The following FAAH2 variants were observed in gnomAD, a reference collection of about 807,000 sequenced individuals.
The protein encoded by FAAH2 is fatty acid amide hydrolase 2, also known as fatty-acid amide hydrolase 2.
Under a neutral mutation model 36.9 loss-of-function variants are expected in FAAH2, and 60 were observed. The observed-to-expected ratio is 1.63, with a 90% CI of 1.32 to 2.02. FAAH2 has a LOEUF of 2.02. FAAH2 is among the 30% of genes most tolerant of loss of function. FAAH2 has a pLI of 0.00. For synonymous variants in FAAH2, 214 were observed against 143.8 expected (o/e 1.49, Z -3.49); for missense variants, 689 against 397.5 (o/e 1.73, Z -6.23).
chrX:57,175,518 A>T, the FAAH2 span, among the ~76,000 whole-genome samples: 1 of 111,801 alleles, frequency 8.9e-6, no homozygotes, highest in Admixed American at 9.5e-5. Flanking sequence ...CTTCTTATCT[A>T]TTTTGCCAAC....
the FAAH2 span, among the ~76,000 whole-genome samples, chrX:57,185,242 T>C: frequency 2.7e-5 from 3 of 110,761 alleles, no homozygotes; most frequent in African/African-American, 9.8e-5. Flanking sequence ...GCCCCAGCAC[T>C]ACCCTTCCCA....
the FAAH2 span, among the ~76,000 whole-genome samples, chrX:57,243,354 T>C: frequency 1.8e-5 from 2 of 112,210 alleles, no homozygotes; most frequent in South Asian, 7.3e-4. Context: ...GCCTGCCAGC[T>C]CTGAAGAGAG....
the FAAH2 span, among the ~76,000 whole-genome samples, chrX:57,147,262 G>T: frequency 9.0e-6 from 1 of 111,485 alleles, no homozygotes; most frequent in East Asian, 2.8e-4. Flanking sequence ...TCTGTTCAGG[G>T]TTTCTAATTC....
At chrX:57,354,265 C>T (rs758828178) in intron 5 of FAAH2, among the ~76,000 whole-genome samples, 1 of 111,042 alleles carries the variant, frequency 9.0e-6, no homozygotes, top group East Asian at 2.8e-4. Context: ...CATATGAAAT[C>T]ATGTCTTTTG....
intron 7 of FAAH2, among the ~76,000 whole-genome samples, chrX:57,423,124 T>C (rs748544650): frequency 8.9e-6 from 1 of 111,950 alleles, no homozygotes; most frequent in South Asian, 3.7e-4. Context: ...AGGAGTGGCA[T>C]TGGGAAGTGC....
intron 7 of FAAH2, among the ~76,000 whole-genome samples, chrX:57,385,730 C>T (rs1476075197): frequency 1.8e-5 from 2 of 111,143 alleles, no homozygotes; most frequent in African/African-American, 6.5e-5. Flanking sequence ...ACGGTGAAAT[C>T]CCGTCTCTAC....
intron 2 of FAAH2, among the ~76,000 whole-genome samples, chrX:57,296,852 C>T (rs1308238849): frequency 1.8e-5 from 2 of 111,176 alleles, no homozygotes. Flanking sequence ...GAAAGGGTAC[C>T]AGTGACGGAA....
chrX:57,328,858 C>T (rs897883875), intron 3 of FAAH2, among the ~76,000 whole-genome samples: 1 of 111,515 alleles, frequency 9.0e-6, no homozygotes, highest in Non-Finnish European at 1.9e-5. Context: ...GGATTGCATG[C>T]TCTAACTCTG....
At chrX:57,249,616 G>A in the FAAH2 span, among the ~76,000 whole-genome samples, 1 of 111,851 alleles carries the variant, frequency 8.9e-6, no homozygotes, top group Non-Finnish European at 1.9e-5. Flanking sequence ...GAACTACCCT[G>A]ACCTTCTCCT....
At chrX:57,334,081 C>T (rs1449192693) in intron 4 of FAAH2, among the ~76,000 whole-genome samples, 2 of 110,370 alleles carry the variant, frequency 1.8e-5, no homozygotes, top group African/African-American at 6.6e-5. Context: ...ACCAGACTGG[C>T]CAACATGTTG....
chrX:57,212,178 A>T, the FAAH2 span, among the ~76,000 whole-genome samples: 1 of 111,924 alleles, frequency 8.9e-6, no homozygotes, highest in East Asian at 2.8e-4. Flanking sequence ...AGGCTGCTGT[A>T]AGCTGTGATT....
At chrX:57,266,018 A>C in the FAAH2 span, among the ~76,000 whole-genome samples, 1 of 111,237 alleles carries the variant, frequency 9.0e-6, no homozygotes, top group Non-Finnish European at 1.9e-5. Flanking sequence ...CTGTTTGAGC[A>C]AATTAGCTAT....
chrX:57,401,763 G>T (rs768454009), intron 7 of FAAH2, among the ~76,000 whole-genome samples: 1 of 111,255 alleles, frequency 9.0e-6, no homozygotes, highest in African/African-American at 3.3e-5. Flanking sequence ...TCCTTCTGTT[G>T]CCCAGGCTTC....
chrX:57,227,010 T>C, the FAAH2 span, among the ~76,000 whole-genome samples: 30 of 111,783 alleles, frequency 2.7e-4, no homozygotes, highest in Non-Finnish European at 5.3e-4. Flanking sequence ...TTTTAATTTT[T>C]TTTTTCTTTA....
intron 10 of FAAH2, among the ~76,000 whole-genome samples, chrX:57,485,117 A>T (rs2057450065): frequency 8.9e-6 from 1 of 111,867 alleles, no homozygotes; most frequent in South Asian, 3.7e-4. Flanking sequence ...GCAAGTCCCC[A>T]AAGTTGGAAA....
At chrX:57,486,472 C>A (rs1375032053) in intron 10 of FAAH2, among the ~76,000 whole-genome samples, 1 of 111,731 alleles carries the variant, frequency 9.0e-6, no homozygotes, top group Non-Finnish European at 1.9e-5. Context: ...ATGGTTCCTG[C>A]AGGGCAGTCC....
At chrX:57,410,217 T>C (rs778545305) in intron 7 of FAAH2, among the ~76,000 whole-genome samples, 1 of 111,787 alleles carries the variant, frequency 8.9e-6, no homozygotes, top group East Asian at 2.8e-4. Context: ...ACATTGTGGC[T>C]GAAATGATAC....
chrX:57,334,282 A>ACACACACACACACACACG (rs2053487667), intron 4 of FAAH2, among the ~76,000 whole-genome samples: 1 of 108,592 alleles, frequency 9.2e-6, no homozygotes, highest in Non-Finnish European at 1.9e-5. Flanking sequence ...ACACACACAC[A>ACACACACACACACACACG]CACACACACA....
Position 57,489,167 on chromosome X carries a change from A to G in FAAH2, c.*235A>G. On this transcript the variant is annotated 3_prime_UTR_variant, in exon 11 of 11. Transcript: ENST00000374900. ...GGAAAATTAGGACATGTAAATGGAT[A>G]AGTGCAATAAAGTTTCCTAAATGCT... 3.0e-6 allele frequency: 1 copy of G among 330,085 alleles called. No homozygotes were observed. The highest frequency in any genetic ancestry group is 5.1e-6 in the Non-Finnish European group (1 of 194,517). The allele number at this position is 330,085 out of a possible 1,213,427, so 27.2% of individuals were successfully genotyped here.
Sources: gnomAD v4.1 joint callset for allele counts (sites outside exome capture counted in the v4.1 genomes callset) on GRCh38, gnomAD v4.1.1 for gene constraint, MANE v1.5 for transcripts, NCBI Gene and HGNC (gene_info 2026-07-23, HGNC 2026-07-21) for gene names.